Variants in ZNF438 observed in about 807,000 individuals in gnomAD.
ZNF438 encodes the protein zinc finger protein 438.
A neutral mutation model predicts 38.0 loss-of-function variants in ZNF438; 25 were observed. That is an observed-to-expected ratio of 0.66 (90% CI 0.48 to 0.92). The LOEUF (loss-of-function observed/expected upper bound fraction) is 0.92, where lower values mean the gene tolerates loss of function less well. ZNF438 is among the 40% of genes least tolerant of loss of function. The probability of loss-of-function intolerance (pLI) is 0.00; values close to 1 mark genes in which losing one functional copy is unlikely to be tolerated. For missense variants in ZNF438, 1,007 were observed against 999.6 expected (o/e 1.01, Z -0.10); for synonymous variants, 372 against 364.1 (o/e 1.02, Z -0.25).
chr10:30,963,827 G>A (rs2136085856), intron 1 of ZNF438, among the ~76,000 whole-genome samples: 1 of 152,020 alleles, frequency 6.6e-6, no homozygotes, highest in South Asian at 2.1e-4. Context: ...GTTGCAGATT[G>A]CAGCACTGCA....
chr10:30,945,090 C>T (rs80015118), intron 1 of ZNF438, among the ~76,000 whole-genome samples: 11,959 of 151,046 alleles, frequency 0.079, 570 homozygotes, highest in Non-Finnish European at 0.11. Context: ...GTTCTAGCAA[C>T]TGAAAGAAAA....
chr10:30,928,940 G>T (rs2045295122), intron 2 of ZNF438, among the ~76,000 whole-genome samples: 1 of 152,120 alleles, frequency 6.6e-6, no homozygotes, highest in Non-Finnish European at 1.5e-5. Context: ...CTCCTCTGCA[G>T]GTGCTTTGGT....
intron 3 of ZNF438, among the ~76,000 whole-genome samples, chr10:30,899,661 C>A (rs1589088508): frequency 6.6e-6 from 1 of 151,826 alleles, no homozygotes; most frequent in East Asian, 1.9e-4. Flanking sequence ...CCCACCCCCC[C>A]ACACACAGGG....
At chr10:31,032,017 CACCCCGCGCAGGCGCAGACGGCCTCTG>C (rs2057329194), upstream of ZNF438, 1 of 152,150 alleles carries the variant, frequency 6.6e-6, no homozygotes, top group African/African-American at 2.4e-5. Flanking sequence ...CCGTAGCAGA[CACCCCGCGCAGGCGCAGACGGCCTCTG>C]CGCCCGCATG....
chr10:30,960,660 A>C (rs962608647), intron 1 of ZNF438, among the ~76,000 whole-genome samples: 3 of 146,560 alleles, frequency 2.0e-5, no homozygotes, highest in African/African-American at 4.9e-5. Context: ...GAATACTGTC[A>C]CCTTAGATTG....
At chr10:30,859,300 A>G (rs77320238) in intron 4 of ZNF438, among the ~76,000 whole-genome samples, 6,005 of 151,522 alleles carry the variant, frequency 0.04, 379 homozygotes, top group African/African-American at 0.14. Flanking sequence ...CTGGTCTTGA[A>G]CTCCTGGACT....
chr10:31,022,066 CAAT>C lies in ZNF438; in HGVS notation c.-192+9764_-192+9766del, dbSNP rs1056195443. On this transcript the variant is annotated intron_variant, in intron 1 of 5. Coordinates refer to ENST00000413025, the Ensembl canonical transcript of ZNF438. ...TGAAGTGCCATCTTATACTACACAA[CAAT>C]AATGAACCATTTCTCAATCGGATTG... Among the ~76,000 whole-genome samples the C allele has an allele frequency of 3.9e-5, 6 of 152,252 alleles. No individual in the cohort carries two copies. In the East Asian group the frequency reaches 7.7e-4, roughly 20 times the overall value.
At chr10:30,921,060 T>TG (rs2044242768) in intron 2 of ZNF438, 2 of 152,202 alleles carry the variant, frequency 1.3e-5, no homozygotes, top group African/African-American at 4.8e-5. Context: ...TAATGTTTCT[T>TG]GGGAAGATTT....
chr10:30,898,264 C>T (rs2041593994), intron 3 of ZNF438, among the ~76,000 whole-genome samples: 1 of 152,082 alleles, frequency 6.6e-6, no homozygotes, highest in African/African-American at 2.4e-5. Flanking sequence ...ACAGCAGTAT[C>T]AACAATGAGA....
chr10:30,936,877 T>A (rs2046315989), intron 2 of ZNF438, among the ~76,000 whole-genome samples: 1 of 152,196 alleles, frequency 6.6e-6, no homozygotes, highest in East Asian at 1.9e-4. Context: ...GCTTTGAACT[T>A]ATTCTCTGCT....
At chr10:30,854,301 G>A (rs566105454) in intron 4 of ZNF438, among the ~76,000 whole-genome samples, 11 of 152,272 alleles carry the variant, frequency 7.2e-5, no homozygotes, top group African/African-American at 2.4e-4. Context: ...GTGACAGAGC[G>A]AGACTCCATC....
intron 1 of ZNF438, among the ~76,000 whole-genome samples, chr10:30,996,821 A>G (rs556776053): frequency 3.3e-5 from 5 of 152,306 alleles, no homozygotes; most frequent in African/African-American, 1.2e-4. Flanking sequence ...TCAATAATTT[A>G]AAGAGATTAA....
rs375177633 is a variant in ZNF438, at chr10:30,903,637, G to A, written c.-32+5296C>T. 1.4e-4 allele frequency among the ~76,000 whole-genome samples: 22 copies of A among 152,220 alleles called. No individual in the cohort carries two copies. The South Asian group carries it at 1.7e-3, about 12-fold the overall frequency. On this transcript the variant is annotated intron_variant, in intron 3 of 5. Coordinates refer to ENST00000413025, the Ensembl canonical transcript of ZNF438. Reference sequence around the variant, plus strand: ...GGCCAAACACATTATAAGAAGACACGGGACTTTTGCTTGTGTTTATTACTG... The same window carrying A: ...GGCCAAACACATTATAAGAAGACACAGGACTTTTGCTTGTGTTTATTACTG...
chr10:30,899,074 C>A (rs563426487), intron 3 of ZNF438, among the ~76,000 whole-genome samples: 18 of 152,228 alleles, frequency 1.2e-4, no homozygotes, highest in Non-Finnish European at 2.1e-4. Flanking sequence ...CCTTTCCCAA[C>A]ACTGACCAAA....
intron 1 of ZNF438, among the ~76,000 whole-genome samples, chr10:31,016,038 A>G (rs1302184874): frequency 1.3e-5 from 2 of 152,190 alleles, no homozygotes; most frequent in Non-Finnish European, 2.9e-5. Context: ...TTTTGGGGGG[A>G]CATAACTAGT....
At chr10:30,972,456 G>A (rs1321236821) in intron 1 of ZNF438, among the ~76,000 whole-genome samples, 1 of 152,074 alleles carries the variant, frequency 6.6e-6, no homozygotes, top group African/African-American at 2.4e-5. Context: ...CCATAACTTT[G>A]ACTTTTGCAA....
chr10:30,921,724 A>G lies in ZNF438; in HGVS notation c.-114-12709T>C, dbSNP rs1009572065. On this transcript the variant is annotated intron_variant, in intron 2 of 5. Coordinates refer to ENST00000413025, the Ensembl canonical transcript of ZNF438. Reference sequence around the variant, plus strand: ...TCTACTTGGCCTGTCATCTACACCCATGGTCTTAAAACTGAGGAACATCCG... The same window carrying G: ...TCTACTTGGCCTGTCATCTACACCCGTGGTCTTAAAACTGAGGAACATCCG... Among the ~76,000 whole-genome samples, 3 of 152,184 alleles carry G rather than the reference A, an allele frequency of 2.0e-5. No individual in the cohort carries two copies. The South Asian group carries it at 6.2e-4, about 31-fold the overall frequency.
chr10:30,940,230 A>G (rs2046673781), intron 2 of ZNF438, among the ~76,000 whole-genome samples: 1 of 152,264 alleles, frequency 6.6e-6, no homozygotes, highest in African/African-American at 2.4e-5. Context: ...GCTGTAGGAA[A>G]CAAAAATCAG....
intron 1 of ZNF438, among the ~76,000 whole-genome samples, chr10:31,024,397 C>T (rs949112409): frequency 6.6e-5 from 10 of 152,106 alleles, no homozygotes; most frequent in African/African-American, 1.9e-4. Context: ...GAGGTGAAGG[C>T]GGGCGGATCA....
Sources: allele counts gnomAD v4.1 joint callset (sites outside exome capture counted in the v4.1 genomes callset), GRCh38; gene constraint gnomAD v4.1.1; transcripts MANE v1.5; gene names NCBI Gene and HGNC (gene_info 2026-07-23, HGNC 2026-07-21).